The following PTPRN2 variants were observed in gnomAD, a reference collection of about 807,000 sequenced individuals.
PTPRN2 encodes receptor-type tyrosine-protein phosphatase N2.
In PTPRN2, 74 loss-of-function variants were observed where a neutral mutation model predicts 118.8. That is an observed-to-expected ratio of 0.62 (90% CI 0.52 to 0.76). PTPRN2 has a LOEUF of 0.76. Among genes scored for constraint, PTPRN2 ranks in the 30% least tolerant of loss-of-function variants. The pLI, the probability that PTPRN2 is intolerant of heterozygous loss-of-function variation, is 0.00. For synonymous variants in PTPRN2, 641 were observed against 608.0 expected, an observed-to-expected ratio of 1.05 and a Z score of -0.80; for missense variants, 1,481 against 1,394.4, an observed-to-expected ratio of 1.06 and a Z score of -0.99.
chr7:158,026,907 G>C (rs1016108010), intron 11 of PTPRN2, among the ~76,000 whole-genome samples: 1 of 152,262 alleles, frequency 6.6e-6, no homozygotes, highest in Non-Finnish European at 1.5e-5. Context: ...GCAGCCACTC[G>C]GCTCTGGGCA....
chr7:157,662,478 G>C, intron 13 of PTPRN2, among the ~76,000 whole-genome samples: 1 of 152,318 alleles, frequency 6.6e-6, no homozygotes, highest in East Asian at 1.9e-4. Flanking sequence ...CGATGGGAAT[G>C]ACAGCAACAG....
intron 14 of PTPRN2, among the ~76,000 whole-genome samples, chr7:157,635,057 T>A (rs1289433665): frequency 6.6e-6 from 1 of 152,208 alleles, no homozygotes; most frequent in Non-Finnish European, 1.5e-5. Flanking sequence ...TCCTTTCTCC[T>A]GTCCACAGCG....
chr7:158,403,504 C>T (rs761786537), intron 2 of PTPRN2, among the ~76,000 whole-genome samples: 38 of 152,178 alleles, frequency 2.5e-4, no homozygotes, highest in Admixed American at 5.2e-4. Context: ...GTTTGAGAAT[C>T]GTGCCCGGAG....
At chr7:158,247,820 T>G (rs1796358399) in intron 3 of PTPRN2, among the ~76,000 whole-genome samples, 1 of 152,116 alleles carries the variant, frequency 6.6e-6, no homozygotes, top group Non-Finnish European at 1.5e-5. Flanking sequence ...TTCCCCATGT[T>G]GGCCAGGCTG....
At chr7:158,075,490 C>T (rs1425793433) in intron 11 of PTPRN2, among the ~76,000 whole-genome samples, 1 of 152,158 alleles carries the variant, frequency 6.6e-6, no homozygotes, top group Non-Finnish European at 1.5e-5. Flanking sequence ...ACTGCAGGCC[C>T]CCTCCCCGCC....
intron 3 of PTPRN2, among the ~76,000 whole-genome samples, chr7:158,315,828 C>G (rs964464212): frequency 4.6e-5 from 7 of 152,212 alleles, no homozygotes; most frequent in African/African-American, 1.7e-4. Flanking sequence ...TGAATGTTCT[C>G]CAAAGAGTGA....
At chr7:157,665,096 C>G (rs963085048) in intron 13 of PTPRN2, among the ~76,000 whole-genome samples, 1 of 152,218 alleles carries the variant, frequency 6.6e-6, no homozygotes, top group Non-Finnish European at 1.5e-5. Context: ...CCAAGGGCCT[C>G]CCCTGCACAG....
At chr7:158,245,200 T>C (rs945160649) in intron 3 of PTPRN2, among the ~76,000 whole-genome samples, 3 of 70,942 alleles carry the variant, frequency 4.2e-5, no homozygotes, top group African/African-American at 1.2e-4. Context: ...GTGGTCATGC[T>C]GGAATCCACG....
At chr7:157,950,127 C>T (rs1800716606) in intron 11 of PTPRN2, among the ~76,000 whole-genome samples, 1 of 152,188 alleles carries the variant, frequency 6.6e-6, no homozygotes, top group Non-Finnish European at 1.5e-5. Context: ...ACATTTAATG[C>T]CACATGGTGT....
At chr7:158,152,724 T>C (rs1821316782) in intron 6 of PTPRN2, among the ~76,000 whole-genome samples, 1 of 152,042 alleles carries the variant, frequency 6.6e-6, no homozygotes, top group Non-Finnish European at 1.5e-5. Flanking sequence ...CCCAAGACCC[T>C]GGCAGGCACA....
intron 2 of PTPRN2, among the ~76,000 whole-genome samples, chr7:158,323,713 T>A (rs1386260822): frequency 1.3e-5 from 2 of 152,110 alleles, no homozygotes; most frequent in African/African-American, 4.8e-5. Flanking sequence ...GTAATTTCAT[T>A]CGCAAGCGTC....
chr7:158,337,691 C>T (rs867449746), intron 2 of PTPRN2, among the ~76,000 whole-genome samples: 1,010 of 121,210 alleles, frequency 8.3e-3, no homozygotes, highest in Middle Eastern at 0.028. Context: ...TCACTCACAC[C>T]CACACTCTCA....
rs113194019 is a variant in PTPRN2, at chr7:158,238,998, C to T, written c.278-33725G>A. 5.3e-3 allele frequency among the ~76,000 whole-genome samples: 801 copies of T among 152,282 alleles called. 12 individuals carry two copies. The highest frequency in any genetic ancestry group is 0.018 in the African/African-American group (753 of 41,550). The stretch of plus-strand genomic sequence containing the variant: ...TGAATGGAGAAGAGGGTGCTGGCCT[C>T]AGAGGCTCTCGTGAGGGCCGTGGAG... On this transcript the variant is annotated intron_variant, in intron 3 of 22. Transcript: ENST00000389418.
intron 3 of PTPRN2, among the ~76,000 whole-genome samples, chr7:158,286,894 C>T (rs1799804703): frequency 6.6e-6 from 1 of 152,162 alleles, no homozygotes; most frequent in Admixed American, 6.5e-5. Flanking sequence ...TCCTCTTCTT[C>T]AGTTTTTTGG....
Position 157,861,193 on chromosome 7 carries a change from T to A in PTPRN2, c.1788+37480A>T, listed in dbSNP as rs1422789236. ...AGGGAGGCACCCTGTGCGTGCTCCA[T>A]GGTGACACTGCCCCACGGGGTCCAA... On this transcript the variant is annotated intron_variant, in intron 12 of 22. Transcript: ENST00000389418. The surrounding 1 kb of genome is among the most constrained non-coding windows in gnomAD (Gnocchi z 5.8). Among the ~76,000 whole-genome samples, 1 of 152,198 alleles carries A rather than the reference T, an allele frequency of 6.6e-6. No individual in the cohort carries two copies. Among genetic ancestry groups the A allele is most frequent in the Non-Finnish European group, 1.5e-5 (1 of 68,038 alleles).
At chr7:158,371,583 C>A (rs7809915) in intron 2 of PTPRN2, among the ~76,000 whole-genome samples, 99,613 of 151,480 alleles carry the variant, frequency 0.66, 33,231 homozygotes, top group East Asian at 0.83. Flanking sequence ...ACGCAACAAG[C>A]ACCTCACGCT....
At position 157,656,588 on chromosome 7, in the gene PTPRN2, G is replaced by A. The variant is rs575363091; in HGVS notation, c.2002-37C>T. ...GGGGAGGAAGAGCAGGGGGTTAGTG[G>A]CATTGGGGACACCCAGCAGGACGAG... On this transcript the variant is annotated intron_variant, in intron 13 of 22. Transcript: ENST00000389418. The A allele has an allele frequency of 9.0e-5, 133 of 1,478,712 alleles. 1 individual carries two copies. The highest frequency in any genetic ancestry group is 1.1e-4 in the Non-Finnish European group (126 of 1,098,368). The allele number at this position is 1,478,712 out of a possible 1,614,324, so 91.6% of individuals were successfully genotyped here.
chr7:157,567,738 T>C (rs977729317), intron 21 of PTPRN2, among the ~76,000 whole-genome samples: 5 of 152,128 alleles, frequency 3.3e-5, no homozygotes. Context: ...ACAAAGGGAA[T>C]TGTTTATTCA....
At chr7:158,309,937 C>G (rs754300570) in intron 3 of PTPRN2, among the ~76,000 whole-genome samples, 2 of 152,130 alleles carry the variant, frequency 1.3e-5, no homozygotes, top group South Asian at 2.1e-4. Flanking sequence ...AGTGTCCATA[C>G]GAAAGAGATC....
Sources: allele counts gnomAD v4.1 joint callset (sites outside exome capture counted in the v4.1 genomes callset), GRCh38; gene constraint gnomAD v4.1.1; non-coding constraint Gnocchi (gnomAD v3.1); transcripts MANE v1.5; gene names NCBI Gene and HGNC (gene_info 2026-07-23, HGNC 2026-07-21).